Variants in NUBP1 observed in about 807,000 individuals in gnomAD.
NUBP1 encodes cytosolic Fe-S cluster assembly factor NUBP1.
A neutral mutation model predicts 41.8 loss-of-function variants in NUBP1; 46 were observed. That is an observed-to-expected ratio of 1.10 (90% confidence interval 0.87 to 1.41). The LOEUF is 1.41. Among genes scored for constraint, NUBP1 ranks in the 40% most tolerant of loss-of-function variants. The probability of loss-of-function intolerance (pLI) is 0.00; values close to 1 mark genes in which losing one functional copy is unlikely to be tolerated. For missense variants in NUBP1, 494 were observed against 414.0 expected, an observed-to-expected ratio of 1.19 and a Z score of -1.68; for synonymous variants, 189 against 154.6, an observed-to-expected ratio of 1.22 and a Z score of -1.65.
rs1433352802 is a variant in NUBP1 at position 10,767,842 on chromosome 16, G to A, written c.821-107G>A. 3.9e-6 allele frequency: 4 copies of A among 1,016,180 alleles called. No individual in the cohort carries two copies. The African/African-American group carries it at 6.4e-5, about 16-fold the overall frequency. The allele number at this position is 1,016,180 out of a possible 1,614,324, so 62.9% of individuals were successfully genotyped here. A position where few individuals can be genotyped will look rare whatever the true frequency, so the allele number is the denominator to read the frequency against. ...TTTGTTCTTCATTACGAGTGAAGCG[G>A]GCTCAAGATCTTCCCATTGTCACCA... is the stretch of plus-strand genomic sequence containing the variant. On this transcript the variant is annotated intron_variant, in intron 9 of 10. Transcript: ENST00000283027. The surrounding 1 kb of genome is among the most constrained non-coding windows in gnomAD (Gnocchi z 4.6).
intron 8 of NUBP1, 61 bp downstream of exon 8, chr16:10,761,535 CG>C: frequency 7.3e-7 from 1 of 1,374,812 alleles, no homozygotes; most frequent in South Asian, 1.2e-5. Flanking sequence ...AGGAAACGAT[CG>C]GAAGGCTGCT....
intron 7 of NUBP1, 41 bp from the exon 8 acceptor site, chr16:10,761,323 G>T (rs2233538): frequency 6.3e-7 from 1 of 1,578,866 alleles, no homozygotes; most frequent in East Asian, 2.2e-5. Flanking sequence ...TCCCTTTCTC[G>T]CACTTTGATG....
chr16:10,751,985 T>C (rs1247808440), intron 3 of NUBP1, among the ~76,000 whole-genome samples: 1 of 152,228 alleles, frequency 6.6e-6, no homozygotes, highest in Non-Finnish European at 1.5e-5. Flanking sequence ...AAACCAGAGA[T>C]AATGATACTT....
chr16:10,747,190 T>TTGG lies in NUBP1; in HGVS notation c.174_176dup (p.Val59dup). 1.2e-6 allele frequency: 2 copies of TTGG among 1,614,204 alleles called. No homozygotes were observed. Among genetic ancestry groups the TTGG allele is most frequent in the Non-Finnish European group, 1.7e-6 (2 of 1,180,034 alleles). ...AATGAAGACTGTAAAACACAAAATC[T>TTGG]TGGTATTGTCTGGGAAAGGCGGTGT... On this transcript the variant is annotated inframe_insertion, in exon 3 of 11. Transcript: ENST00000283027.
At chr16:10,744,269 C>T (rs780156116) in intron 2 of NUBP1, among the ~76,000 whole-genome samples, 4 of 152,100 alleles carry the variant, frequency 2.6e-5, no homozygotes, top group African/African-American at 7.2e-5. Flanking sequence ...CTGACAGGAA[C>T]GAGGCCTTTA....
In NUBP1 at chr16:10,766,902, G is replaced by A. The variant is rs530188747; in HGVS notation, c.821-1047G>A. 1.8e-5 allele frequency: 7 copies of A among 398,556 alleles called. No homozygotes were observed. The highest frequency in any genetic ancestry group is 6.2e-5 in the African/African-American group (3 of 48,734). The allele number at this position is 398,556 out of a possible 1,614,324, so 24.7% of individuals were successfully genotyped here. Reference sequence around the variant, plus strand: ...ACATTTCCTGTTATGGCTCAAGTGCGAATTGGCCTTATGTTCCCTGCCTCT... The same window carrying A: ...ACATTTCCTGTTATGGCTCAAGTGCAAATTGGCCTTATGTTCCCTGCCTCT... On this transcript the variant is annotated intron_variant, in intron 9 of 10. Transcript: ENST00000283027. This position sits in a 1 kb window ranked among gnomAD's most constrained non-coding sequence, Gnocchi z 4.8.
chr16:10,748,492 G>A (rs940005594), intron 3 of NUBP1, among the ~76,000 whole-genome samples: 1 of 152,042 alleles, frequency 6.6e-6, no homozygotes, highest in Non-Finnish European at 1.5e-5. Context: ...ACACACTCTG[G>A]AGTCAGACAG....
At position 10,744,031 on chromosome 16, in the gene NUBP1, G is replaced by T; in HGVS notation, c.90G>T (p.Leu30=). 3 of 1,581,480 alleles carry T rather than the reference G, an allele frequency of 1.9e-6. No homozygotes were observed. Among genetic ancestry groups the T allele is most frequent in the Non-Finnish European group, 2.6e-6 (3 of 1,169,512 alleles). ...ASCQGCPNQR[L]CASGAGATPD... is the part of the protein sequence containing the mutation. ...GTCAGGGATGCCCCAACCAGCGGCT[G>T]TGCGCTTCTGGAGCGGGGGCCACTC... Residue 30 remains leucine, a synonymous_variant, in exon 2 of 11, where the codon CTG becomes CTT. Transcript: ENST00000283027.
rs2031197855 is a variant in NUBP1 at position 10,768,306 on chromosome 16, G to GA, written c.904+275dup. On this transcript the variant is annotated intron_variant, in intron 10 of 10. Coordinates refer to ENST00000283027, the MANE Select transcript of NUBP1 (RefSeq NM_002484.4). The surrounding 1 kb of genome is among the most constrained non-coding windows in gnomAD (Gnocchi z 4.3). ...AAGTAATTCATTTTTAAAAGTAACT[G>GA]ATAAAAAAAAAAAAGGCCAGGTGCA... 5.5e-6 allele frequency: 1 copy of GA among 180,926 alleles called. No individual in the cohort carries two copies. The highest frequency in any genetic ancestry group is 6.2e-5 in the Admixed American group (1 of 16,162). 11.2% of individuals were successfully genotyped at this position (180,926 alleles called of 1,614,324 possible).
chr16:10,764,313 G>A (rs188860740), intron 9 of NUBP1, among the ~76,000 whole-genome samples: 2,090 of 152,358 alleles, frequency 0.014, 23 homozygotes, highest in Non-Finnish European at 0.019. Context: ...GTCTATTGGA[G>A]CATCTCAGTC....
chr16:10,761,044 T>G, intron 7 of NUBP1: 1 of 257,688 alleles, frequency 3.9e-6, no homozygotes, highest in Non-Finnish European at 7.7e-6. Context: ...AGAGAGAGTG[T>G]GTAGGAGGAA....
At chr16:10,764,934 T>A in intron 9 of NUBP1, 1 of 179,346 alleles carries the variant, frequency 5.6e-6, no homozygotes, top group Non-Finnish European at 1.2e-5. Flanking sequence ...CTGGAGTGTC[T>A]TGGCTGCTGT....
rs1299803009 is a variant in NUBP1, at chr16:10,768,678, G to T, written c.905-369G>T. ...CCCACGTGCAGGCCACATTCAGCCAGTGGCAGCCATCAGAGGCCCCAGAGT... is the reference window on the plus strand; with the variant it reads ...CCCACGTGCAGGCCACATTCAGCCATTGGCAGCCATCAGAGGCCCCAGAGT... On this transcript the variant is annotated intron_variant, in intron 10 of 10. Coordinates refer to ENST00000283027, the MANE Select transcript of NUBP1 (RefSeq NM_002484.4). The surrounding 1 kb of genome is among the most constrained non-coding windows in gnomAD (Gnocchi z 4.3). 4.7e-6 allele frequency: 1 copy of T among 211,276 alleles called. No homozygotes were observed. Among genetic ancestry groups the T allele is most frequent in the African/African-American group, 2.3e-5 (1 of 43,474 alleles). The allele number at this position is 211,276 out of a possible 1,614,324, so 13.1% of individuals were successfully genotyped here.
rs777214074 is a variant in NUBP1, at chr16:10,757,846, G to A, written c.452-27G>A. 1.2e-6 allele frequency: 2 copies of A among 1,601,132 alleles called. No homozygotes were observed. The highest frequency in any genetic ancestry group is 8.5e-7 in the Non-Finnish European group (1 of 1,169,850). On this transcript the variant is annotated intron_variant, in intron 6 of 10. Transcript: ENST00000283027. The surrounding 1 kb of genome is among the most constrained non-coding windows in gnomAD (Gnocchi z 4.1). ...AGTACAGAAAAGAAAGGAAAAGTAA[G>A]CATCCCCTGTGGATTCCTCTTTCTA...
intron 9 of NUBP1, among the ~76,000 whole-genome samples, chr16:10,763,366 G>T (rs570805687): frequency 6.6e-6 from 1 of 152,090 alleles, no homozygotes; most frequent in Admixed American, 6.5e-5. Context: ...GGTAGGGTGC[G>T]AGGGCCACTC....
At position 10,749,126 on chromosome 16, in the gene NUBP1, TACACACACACACACACACACAC is replaced by T. The variant is rs58201009; in HGVS notation, c.258+1873_258+1894del. On this transcript the variant is annotated intron_variant, in intron 3 of 10. Coordinates refer to ENST00000283027, the MANE Select transcript of NUBP1 (RefSeq NM_002484.4). This position sits in a 1 kb window ranked among gnomAD's most constrained non-coding sequence, Gnocchi z 4.1. ...GGATATAGATAGATACACAGACACA[TACACACACACACACACACACAC>T]ACACACACACACACACACACACGTT... 8.3e-6 allele frequency among the ~76,000 whole-genome samples: 1 copy of T among 121,026 alleles called. No homozygotes were observed. Among genetic ancestry groups the T allele is most frequent in the East Asian group, 2.4e-4 (1 of 4,152 alleles). The allele number at this position is 121,026 out of a possible 152,430, so 79.4% of individuals were successfully genotyped here.
chr16:10,760,004 G>C (rs1900833336), intron 7 of NUBP1, among the ~76,000 whole-genome samples: 1 of 152,192 alleles, frequency 6.6e-6, no homozygotes, highest in Admixed American at 6.5e-5. Context: ...TGGGTACAGG[G>C]ATCTGTGATA....
chr16:10,768,035 A>C lies in NUBP1; in HGVS notation c.904+3A>C. On this transcript the variant is annotated splice_donor_region_variant and intron_variant, in intron 10 of 10. Coordinates refer to ENST00000283027, the MANE Select transcript of NUBP1 (RefSeq NM_002484.4). The surrounding 1 kb of genome is among the most constrained non-coding windows in gnomAD (Gnocchi z 4.3). The stretch of plus-strand genomic sequence containing the variant: ...AGCCTACAGAAGTATAATTCAGAGT[A>C]AGTATTTCCATGAGTACTAAATGCA... 6.2e-7 allele frequency: 1 copy of C among 1,613,690 alleles called. No homozygotes were observed. The highest frequency in any genetic ancestry group is 8.5e-7 in the Non-Finnish European group (1 of 1,179,702).
At position 10,767,357 on chromosome 16, in the gene NUBP1, A is replaced by C. The variant is rs2031041862; in HGVS notation, c.821-592A>C. The C allele has an allele frequency of 5.0e-6, 2 of 399,636 alleles. No individual in the cohort carries two copies. The highest frequency in any genetic ancestry group is 8.8e-6 in the Non-Finnish European group (2 of 226,926). 24.8% of individuals were successfully genotyped at this position (399,636 alleles called of 1,614,324 possible). ...GGCCACATGGCGGGGAAAGACTAGC[A>C]GACTGATAGACACCAGCACAGATGA... On this transcript the variant is annotated intron_variant, in intron 9 of 10. Coordinates refer to ENST00000283027, the MANE Select transcript of NUBP1 (RefSeq NM_002484.4). The surrounding 1 kb of genome is among the most constrained non-coding windows in gnomAD (Gnocchi z 4.6).
Sources: allele counts gnomAD v4.1 joint callset (sites outside exome capture counted in the v4.1 genomes callset), GRCh38; gene constraint gnomAD v4.1.1; non-coding constraint Gnocchi (gnomAD v3.1); transcripts MANE v1.5; gene names NCBI Gene and HGNC (gene_info 2026-07-23, HGNC 2026-07-21).